The following PRKN variants were observed in gnomAD, a reference collection of about 807,000 sequenced individuals.
PRKN encodes the protein parkin RBR E3 ubiquitin protein ligase.
PRKN carries 56 observed loss-of-function variants against 59.5 expected under a neutral mutation model. The observed-to-expected ratio is 0.94, with a 90% CI of 0.76 to 1.18. The LOEUF (loss-of-function observed/expected upper bound fraction) is 1.18, where lower values mean the gene tolerates loss of function less well. Ranked by LOEUF, PRKN falls within the 50% of genes most tolerant of loss-of-function variation. The pLI, the probability that PRKN is intolerant of heterozygous loss-of-function variation, is 0.00. For missense variants in PRKN, 657 were observed against 596.4 expected, an observed-to-expected ratio of 1.10 and a Z score of -1.06; for synonymous variants, 250 against 222.1, an observed-to-expected ratio of 1.13 and a Z score of -1.12.
intron 6 of PRKN, among the ~76,000 whole-genome samples, chr6:161,833,054 G>A (rs1006581394): frequency 1.3e-5 from 2 of 152,132 alleles, no homozygotes; most frequent in African/African-American, 2.4e-5. Context: ...CTTGCCCAAG[G>A]TCACATACAA....
chr6:161,516,287 AAAAAAC>A (rs1454490169), intron 9 of PRKN, among the ~76,000 whole-genome samples: 6 of 151,572 alleles, frequency 4.0e-5, no homozygotes, highest in African/African-American at 4.9e-5. Context: ...ATCTCTACTT[AAAAAAC>A]AAAAACAAAA....
In PRKN at chr6:162,680,444, A is replaced by C. The variant is rs375092169; in HGVS notation, c.7+47218T>G. On this transcript the variant is annotated intron_variant, in intron 1 of 11. Transcript: ENST00000366898. The stretch of plus-strand genomic sequence containing the variant: ...GTCATGAGATCAAGATTATTGTCAT[A>C]GAATCCAAATCTAGCTAGAAAACAC... Among the ~76,000 whole-genome samples, 9 of 152,032 alleles carry C rather than the reference A, an allele frequency of 5.9e-5. 1 individual carries two copies. Among genetic ancestry groups the C allele is most frequent in the South Asian group, 2.1e-4 (1 of 4,820 alleles).
intron 2 of PRKN, among the ~76,000 whole-genome samples, chr6:162,419,054 GC>G (rs1377620937): frequency 1.3e-5 from 2 of 151,980 alleles, no homozygotes; most frequent in Admixed American, 6.6e-5. Context: ...TCCAGGAAAA[GC>G]AGGTGCAAGC....
chr6:161,951,013 T>G (rs1779970259), intron 6 of PRKN, among the ~76,000 whole-genome samples: 1 of 149,482 alleles, frequency 6.7e-6, no homozygotes, highest in Admixed American at 6.6e-5. Flanking sequence ...CAATAAATTA[T>G]AATTTTTTTT....
At chr6:162,576,204 C>T (rs1388967769) in intron 1 of PRKN, among the ~76,000 whole-genome samples, 1 of 152,062 alleles carries the variant, frequency 6.6e-6, no homozygotes, top group Non-Finnish European at 1.5e-5. Context: ...ACCTATGTAC[C>T]ATTGAACATG....
At chr6:162,508,644 G>A (rs932484100) in intron 1 of PRKN, among the ~76,000 whole-genome samples, 2 of 152,120 alleles carry the variant, frequency 1.3e-5, no homozygotes, top group African/African-American at 4.8e-5. Flanking sequence ...TAAGCCATGA[G>A]GCCCCAGGGT....
chr6:161,459,603 G>A lies in PRKN; in HGVS notation c.1084-72726C>T, dbSNP rs540433626. On this transcript the variant is annotated intron_variant, in intron 9 of 11. Coordinates refer to ENST00000366898, the MANE Select transcript of PRKN (RefSeq NM_004562.3). This position sits in a 1 kb window ranked among gnomAD's most constrained non-coding sequence, Gnocchi z 4.8. ...GCCTTCCTGATGCCCCAGCTTCTCT[G>A]AGATCCATCCTGCTGTCAGCCCTAG... Among the ~76,000 whole-genome samples the A allele has an allele frequency of 6.6e-6, 1 of 152,292 alleles. No homozygotes were observed. The highest frequency in any genetic ancestry group is 2.1e-4 in the South Asian group (1 of 4,824).
chr6:162,018,023 T>A (rs1782992696), intron 5 of PRKN, among the ~76,000 whole-genome samples: 1 of 152,168 alleles, frequency 6.6e-6, no homozygotes, highest in Non-Finnish European at 1.5e-5. Flanking sequence ...TAATAACTTT[T>A]ATTTTTATTT....
chr6:161,943,026 C>T (rs1779622113), intron 6 of PRKN, among the ~76,000 whole-genome samples: 1 of 152,158 alleles, frequency 6.6e-6, no homozygotes, highest in South Asian at 2.1e-4. Context: ...TGCAAAAGAA[C>T]TGCTACTTAC....
intron 1 of PRKN, among the ~76,000 whole-genome samples, chr6:162,449,927 G>A (rs954296721): frequency 5.9e-5 from 9 of 152,210 alleles, no homozygotes; most frequent in East Asian, 3.9e-4. Flanking sequence ...GTACAGTTAC[G>A]TAAAGGGAGT....
intron 3 of PRKN, among the ~76,000 whole-genome samples, chr6:162,230,248 A>G (rs1011477634): frequency 6.6e-6 from 1 of 152,248 alleles, no homozygotes; most frequent in African/African-American, 2.4e-5. Context: ...GAATACTCAA[A>G]TTAACTGTAA....
chr6:161,807,552 G>A (rs984664866), intron 6 of PRKN, among the ~76,000 whole-genome samples: 7 of 152,266 alleles, frequency 4.6e-5, no homozygotes, highest in African/African-American at 1.2e-4. Context: ...CAAAGGCCAC[G>A]CTTCGTCTGA....
At chr6:162,182,510 G>A (rs1458439750) in intron 4 of PRKN, among the ~76,000 whole-genome samples, 1 of 152,136 alleles carries the variant, frequency 6.6e-6, no homozygotes, top group Non-Finnish European at 1.5e-5. Context: ...AGAACCACCT[G>A]GGAAAACATC....
chr6:161,528,730 T>G (rs1583192238), intron 9 of PRKN, among the ~76,000 whole-genome samples: 1 of 152,186 alleles, frequency 6.6e-6, no homozygotes, highest in East Asian at 1.9e-4. Context: ...CTGAGTAACT[T>G]CTTGTCAGTA....
At position 161,571,950 on chromosome 6, in the gene PRKN, C is replaced by T. The variant is rs531832775; in HGVS notation, c.872-2534G>A. ...GTTCTCAGGCCTTCTGACTGCAAGA[C>T]ATACACGACTCCCAAACCTGCTGCC... is the stretch of plus-strand genomic sequence containing the variant. On this transcript the variant is annotated intron_variant, in intron 7 of 11. Coordinates refer to ENST00000366898, the MANE Select transcript of PRKN (RefSeq NM_004562.3). Among the ~76,000 whole-genome samples the T allele has an allele frequency of 3.9e-5, 6 of 152,178 alleles. 1 individual carries two copies. In the South Asian group the frequency reaches 8.3e-4, roughly 21 times the overall value.
Position 161,545,619 on chromosome 6 carries a change from A to G in PRKN, c.1083+3235T>C, listed in dbSNP as rs1049627892. 6.6e-6 allele frequency among the ~76,000 whole-genome samples: 1 copy of G among 152,234 alleles called. No homozygotes were observed. Among genetic ancestry groups the G allele is most frequent in the Non-Finnish European group, 1.5e-5 (1 of 68,046 alleles). ...AGGTTATACAAACCACAGCAAAACAACATGTATCAGGAAAAGGGGAAGAGA... is the reference window on the plus strand; with the variant it reads ...AGGTTATACAAACCACAGCAAAACAGCATGTATCAGGAAAAGGGGAAGAGA... On this transcript the variant is annotated intron_variant, in intron 9 of 11. Transcript: ENST00000366898. The surrounding 1 kb of genome is among the most constrained non-coding windows in gnomAD (Gnocchi z 4.1).
chr6:161,772,885 T>C (rs1172359280), intron 7 of PRKN, among the ~76,000 whole-genome samples: 1 of 152,182 alleles, frequency 6.6e-6, no homozygotes, highest in East Asian at 1.9e-4. Context: ...ATTCAGAGGT[T>C]CAGGACTAGG....
At chr6:162,720,482 C>T (rs1203140525) in intron 1 of PRKN, among the ~76,000 whole-genome samples, 4 of 142,582 alleles carry the variant, frequency 2.8e-5, no homozygotes, top group African/African-American at 1.0e-4. Flanking sequence ...CTCGCTCTGT[C>T]GCCCAGGCCG....
intron 9 of PRKN, among the ~76,000 whole-genome samples, chr6:161,477,510 C>CA (rs55713712): frequency 0.13 from 16,463 of 124,160 alleles, 1,893 homozygotes; most frequent in African/African-American, 0.31. Context: ...AACTCCATCT[C>CA]AAAAAAAAAA....
Sources: gnomAD v4.1 joint callset for allele counts (sites outside exome capture counted in the v4.1 genomes callset) on GRCh38, gnomAD v4.1.1 for gene constraint, Gnocchi (gnomAD v3.1) non-coding constraint, MANE v1.5 for transcripts, NCBI Gene and HGNC (gene_info 2026-07-23, HGNC 2026-07-21) for gene names.